Variants in LY75 observed in about 807,000 individuals in gnomAD.
LY75 encodes the protein C-type lectin domain family 13 member B.
A neutral mutation model predicts 231.7 loss-of-function variants in LY75; 185 were observed. That is an observed-to-expected ratio of 0.80 (90% CI 0.71 to 0.90). The LOEUF is 0.90. Among genes scored for constraint, LY75 ranks in the 40% least tolerant of loss-of-function variants. LY75 has a pLI of 0.00. For missense variants in LY75, 1,947 were observed against 2,050.2 expected, an observed-to-expected ratio of 0.95 and a Z score of 0.97; for synonymous variants, 668 against 689.0, an observed-to-expected ratio of 0.97 and a Z score of 0.48.
At chr2:159,808,094 C>A in intron 33 of LY75, 2 of 985,236 alleles carry the variant, frequency 2.0e-6, no homozygotes, top group Non-Finnish European at 2.4e-6. Context: ...CATGCGGTGA[C>A]AGGCACTAGA....
chr2:159,881,318 T>A, intron 7 of LY75, 78 bp from the exon 8 acceptor site: 5 of 1,454,830 alleles, frequency 3.4e-6, no homozygotes, highest in Non-Finnish European at 4.6e-6. Flanking sequence ...CAAATTTTTA[T>A]ATTCTGATAT....
At chr2:159,880,901 G>A (rs1456380528) in intron 8 of LY75, among the ~76,000 whole-genome samples, 182 bp downstream of exon 8, 9 of 152,196 alleles carry the variant, frequency 5.9e-5, no homozygotes, top group African/African-American at 1.4e-4. Context: ...CTTACCCGCC[G>A]CTCACCTCCT....
At chr2:159,829,325 T>C (rs1560069629) in intron 28 of LY75, among the ~76,000 whole-genome samples, 1 of 152,216 alleles carries the variant, frequency 6.6e-6, no homozygotes, top group Non-Finnish European at 1.5e-5. Flanking sequence ...TTCAAAGTTA[T>C]CAATTTTCTG....
intron 14 of LY75, among the ~76,000 whole-genome samples, chr2:159,863,269 C>A (rs1431597465): frequency 6.6e-6 from 1 of 152,076 alleles, no homozygotes; most frequent in African/African-American, 2.4e-5. Flanking sequence ...TGCAGTCACC[C>A]TCCGAGTATC....
At chr2:159,877,232 A>G (rs1273085859) in intron 11 of LY75, among the ~76,000 whole-genome samples, 1 of 152,122 alleles carries the variant, frequency 6.6e-6, no homozygotes, top group Non-Finnish European at 1.5e-5. Flanking sequence ...TATTTCAAAT[A>G]ACATGTTCAA....
At chr2:159,842,198 T>TATATATATATATACATAC (rs774428351) in intron 24 of LY75, 47 bp downstream of exon 24, 1 of 1,569,656 alleles carries the variant, frequency 6.4e-7, no homozygotes, top group African/African-American at 1.5e-5. Flanking sequence ...TATATATATA[T>TATATATATATATACATAC]ATGTAATAGC....
intron 9 of LY75, 132 bp from the exon 10 acceptor site, chr2:159,878,853 C>T (rs1685350889): frequency 2.1e-6 from 2 of 967,786 alleles, no homozygotes; most frequent in Non-Finnish European, 3.1e-6. Flanking sequence ...TGAAATCATA[C>T]ATGTGATGAG....
chr2:159,895,206 A>T (rs1685877453), intron 2 of LY75, among the ~76,000 whole-genome samples: 2 of 152,218 alleles, frequency 1.3e-5, no homozygotes, highest in Admixed American at 1.3e-4. Flanking sequence ...CTATAGCAAA[A>T]GGTAATAATA....
chr2:159,861,840 C>G lies in LY75; in HGVS notation c.2200-951G>C, dbSNP rs74448052. Among the ~76,000 whole-genome samples the G allele has an allele frequency of 0.015, 2,329 of 152,088 alleles. 109 individuals are homozygous for G. In the East Asian group the frequency reaches 0.16, roughly 10 times the overall value. On this transcript the variant is annotated intron_variant, in intron 14 of 34. Transcript: ENST00000263636. ...TTCTTACTATAAAAATGAAAATAAA[C>G]AGTATAAAGAGAAAGCTTTGAAAAC... is the stretch of plus-strand genomic sequence containing the variant.
At position 159,819,878 on chromosome 2, in the gene LY75, GTA is replaced by G; in HGVS notation, c.3999_4000del (p.His1335LeufsTer11). On this transcript the variant is annotated frameshift_variant, in exon 29 of 35. Coordinates refer to ENST00000263636, the MANE Select transcript of LY75 (RefSeq NM_002349.4). LOFTEE classifies it high-confidence loss of function. ...AGTTGGTCTTCCTGCTCTCCAATGTGTATATGACAGTGGGGTCTTATCAAACC... is the reference window on the plus strand; with the variant it reads ...AGTTGGTCTTCCTGCTCTCCAATGTGTATGACAGTGGGGTCTTATCAAACC... 1 of 1,613,478 alleles carries G rather than the reference GTA, an allele frequency of 6.2e-7. No homozygotes were observed. Among genetic ancestry groups the G allele is most frequent in the Non-Finnish European group, 8.5e-7 (1 of 1,179,836 alleles).
At chr2:159,878,078 T>A (rs992088000) in intron 11 of LY75, among the ~76,000 whole-genome samples, 1 of 152,204 alleles carries the variant, frequency 6.6e-6, no homozygotes, top group Admixed American at 6.5e-5. Flanking sequence ...CTGGTGCTTC[T>A]AGCTCTGAGC....
chr2:159,879,009 TG>T (rs1203177390), intron 9 of LY75, among the ~76,000 whole-genome samples: 2 of 152,090 alleles, frequency 1.3e-5, no homozygotes, highest in Non-Finnish European at 2.9e-5. Context: ...TTGATATTAG[TG>T]GGGGAAGTAA....
chr2:159,812,181 C>G (rs1026376514), intron 31 of LY75: 1 of 151,026 alleles, frequency 6.6e-6, no homozygotes, highest in Non-Finnish European at 1.5e-5. Context: ...AAGGAACTGC[C>G]TTATCTTTGG....
chr2:159,881,943 G>A (rs7586325), intron 7 of LY75, among the ~76,000 whole-genome samples, 181 bp downstream of exon 7: 25,669 of 152,110 alleles, frequency 0.17, 2,483 homozygotes, highest in East Asian at 0.33. Flanking sequence ...GAAGCTGCAT[G>A]TTGCTAGTGA....
At chr2:159,814,798 C>T (rs899612710) in intron 31 of LY75, among the ~76,000 whole-genome samples, 2 of 151,768 alleles carry the variant, frequency 1.3e-5, no homozygotes, top group African/African-American at 4.8e-5. Flanking sequence ...TGTTGTGGGA[C>T]CCTTTTTTGA....
rs770062187 is a variant in LY75, at chr2:159,875,562, G to C, written c.1856C>G (p.Ala619Gly). 8.7e-6 allele frequency: 14 copies of C among 1,613,966 alleles called. No individual in the cohort carries two copies. Among genetic ancestry groups the C allele is most frequent in the African/African-American group, 1.3e-5 (1 of 74,918 alleles). ...ACTCATTTTCTTGCAAATTGAAAGT[G>C]CTTTGAAGCTTCTGCAGTCCTTCAC... ...WEVKDCRSFKALSICKKMSGP... is the reference protein window; with the variant it reads ...WEVKDCRSFKGLSICKKMSGP... Residue 619 changes from alanine to glycine, a missense_variant, in exon 12 of 35, where the codon GCA becomes GGA. Physicochemically the swap from Ala to Gly is moderately conservative, Grantham distance 60. Coordinates refer to ENST00000263636, the MANE Select transcript of LY75 (RefSeq NM_002349.4).
chr2:159,860,210 T>C (rs1356815143), intron 15 of LY75, among the ~76,000 whole-genome samples: 2 of 152,206 alleles, frequency 1.3e-5, no homozygotes, highest in Admixed American at 1.3e-4. Flanking sequence ...TTGACATCTG[T>C]CTCAAGATGA....
At chr2:159,806,809 C>T (rs1682807380) in intron 34 of LY75, among the ~76,000 whole-genome samples, 164 bp downstream of exon 34, 1 of 152,172 alleles carries the variant, frequency 6.6e-6, no homozygotes, top group South Asian at 2.1e-4. Flanking sequence ...CCCTTGTAAT[C>T]TATTTTTCAG....
intron 23 of LY75, among the ~76,000 whole-genome samples, chr2:159,845,090 T>C (rs987929842): frequency 4.6e-5 from 7 of 152,146 alleles, no homozygotes; most frequent in Admixed American, 1.3e-4. Flanking sequence ...AAGTTGCCAT[T>C]GTTAATGACA....
Sources: allele counts gnomAD v4.1 joint callset (sites outside exome capture counted in the v4.1 genomes callset), GRCh38; gene constraint gnomAD v4.1.1; transcripts MANE v1.5; gene names NCBI Gene and HGNC (gene_info 2026-07-23, HGNC 2026-07-21).